The following FRYL variants were observed in gnomAD, a reference collection of about 807,000 sequenced individuals.
The protein encoded by FRYL is FRY like transcription coactivator, also known as protein furry homolog-like.
FRYL carries 150 observed loss-of-function variants against 351.2 expected under a neutral mutation model. The observed-to-expected ratio is 0.43, with a 90% CI of 0.37 to 0.49. The LOEUF is 0.49. Among genes scored for constraint, FRYL ranks in the 20% least tolerant of loss-of-function variants. The pLI, the probability that FRYL is intolerant of heterozygous loss-of-function variation, is 0.00. For synonymous variants in FRYL, 1,153 were observed against 1,257.1 expected, an observed-to-expected ratio of 0.92 and a Z score of 1.75; for missense variants, 3,036 against 3,619.3, an observed-to-expected ratio of 0.84 and a Z score of 4.13.
intron 61 of FRYL, 36 bp downstream of exon 61, chr4:48,502,792 G>A: frequency 6.4e-7 from 1 of 1,568,630 alleles, no homozygotes; most frequent in Admixed American, 1.7e-5. Flanking sequence ...TGTCTGGCAA[G>A]GGTGAGTAGT....
intron 25 of FRYL, among the ~76,000 whole-genome samples, chr4:48,574,250 A>G (rs1712428310): frequency 6.6e-6 from 1 of 152,160 alleles, no homozygotes; most frequent in Admixed American, 6.5e-5. Context: ...TGACCTTTAA[A>G]AGTGTCTCTG....
chr4:48,529,064 C>T (rs545805531), intron 50 of FRYL, among the ~76,000 whole-genome samples: 1 of 152,198 alleles, frequency 6.6e-6, no homozygotes, highest in Non-Finnish European at 1.5e-5. Context: ...ACCAGCAAAA[C>T]TGAGCTTGCT....
intron 3 of FRYL, among the ~76,000 whole-genome samples, chr4:48,641,551 A>G (rs1755322944): frequency 1.3e-5 from 2 of 152,224 alleles, no homozygotes; most frequent in Admixed American, 1.3e-4. Flanking sequence ...TTAAGCCACT[A>G]ATGGCTTAAC....
At chr4:48,520,591 A>G (rs1246879551) in intron 55 of FRYL, 1 of 152,400 alleles carries the variant, frequency 6.6e-6, no homozygotes, top group African/African-American at 2.4e-5. Flanking sequence ...AAAACATAAT[A>G]CTAGTGGTTC....
chr4:48,755,941 A>C (rs1415267105), intron 1 of FRYL, among the ~76,000 whole-genome samples: 1 of 152,036 alleles, frequency 6.6e-6, no homozygotes, highest in Non-Finnish European at 1.5e-5. Context: ...TCAATTAAAA[A>C]AAAAAAAGAG....
chr4:48,612,497 C>CGT (rs10657991), intron 7 of FRYL, among the ~76,000 whole-genome samples: 66,735 of 149,774 alleles, frequency 0.45, 15,024 homozygotes, highest in African/African-American at 0.55. Context: ...TGTGTGTGCA[C>CGT]GTGTGTGTGT....
intron 41 of FRYL, 113 bp from the exon 42 acceptor site, chr4:48,546,384 A>G: frequency 1.3e-6 from 1 of 771,518 alleles, no homozygotes; most frequent in Non-Finnish European, 2.1e-6. Context: ...GCAATCTGTC[A>G]GTGCAAGGTG....
chr4:48,714,272 A>G (rs1333099323), intron 1 of FRYL, among the ~76,000 whole-genome samples: 2 of 150,434 alleles, frequency 1.3e-5, no homozygotes. Flanking sequence ...AACTAAAATC[A>G]GAGCAGAACT....
intron 1 of FRYL, among the ~76,000 whole-genome samples, chr4:48,768,489 A>C (rs1352653646): frequency 6.6e-6 from 1 of 152,188 alleles, no homozygotes; most frequent in Non-Finnish European, 1.5e-5. Flanking sequence ...GACTTGGTGA[A>C]GAGTCCATAG....
chr4:48,723,131 GT>G (rs1021169437), intron 1 of FRYL, among the ~76,000 whole-genome samples: 27 of 150,956 alleles, frequency 1.8e-4, no homozygotes, highest in Admixed American at 1.1e-3. Flanking sequence ...AACCTAACAG[GT>G]TTTTTTTTGT....
At chr4:48,729,846 C>T (rs1424430983) in intron 1 of FRYL, among the ~76,000 whole-genome samples, 3 of 152,170 alleles carry the variant, frequency 2.0e-5, no homozygotes, top group Non-Finnish European at 4.4e-5. Flanking sequence ...TCCAAAGGAA[C>T]ACAACTCCTC....
intron 2 of FRYL, among the ~76,000 whole-genome samples, chr4:48,686,510 A>G (rs1765165142): frequency 6.7e-6 from 1 of 149,004 alleles, no homozygotes. Context: ...CCTCAAACCT[A>G]AAAAAAAAAC....
At chr4:48,711,184 A>G (rs1337570813) in intron 1 of FRYL, among the ~76,000 whole-genome samples, 1 of 152,236 alleles carries the variant, frequency 6.6e-6, no homozygotes, top group Non-Finnish European at 1.5e-5. Flanking sequence ...TACTGGGTTC[A>G]TCTCACTAGG....
At position 48,579,261 on chromosome 4, in the gene FRYL, T is replaced by C; in HGVS notation, c.2260-20A>G. On this transcript the variant is annotated intron_variant, in intron 22 of 63. Coordinates refer to ENST00000358350, the MANE Select transcript of FRYL (RefSeq NM_015030.2). ...AGTAGTCTATATGGAGAGGAAAAAA[T>C]TGATTATTACACATTTCAATAACTT... 1.9e-6 allele frequency: 3 copies of C among 1,562,144 alleles called. No homozygotes were observed. Among genetic ancestry groups the C allele is most frequent in the Non-Finnish European group, 2.6e-6 (3 of 1,156,478 alleles).
chr4:48,529,048 T>G (rs1356913838), intron 50 of FRYL, among the ~76,000 whole-genome samples: 1 of 152,170 alleles, frequency 6.6e-6, no homozygotes, highest in Non-Finnish European at 1.5e-5. Context: ...TCTCTGAACT[T>G]CACACACCAG....
intron 4 of FRYL, among the ~76,000 whole-genome samples, chr4:48,628,266 T>A (rs1463327001): frequency 6.6e-6 from 1 of 152,122 alleles, no homozygotes; most frequent in African/African-American, 2.4e-5. Flanking sequence ...AAACTGCCTA[T>A]CAATAGAGAC....
chr4:48,631,430 T>C (rs1485347524), intron 4 of FRYL, among the ~76,000 whole-genome samples: 1 of 152,016 alleles, frequency 6.6e-6, no homozygotes, highest in Non-Finnish European at 1.5e-5. Context: ...AAGCTCTGGC[T>C]AGAATGAAAA....
chr4:48,513,289 C>T (rs184276515), intron 56 of FRYL, among the ~76,000 whole-genome samples: 2 of 152,230 alleles, frequency 1.3e-5, no homozygotes, highest in Admixed American at 6.5e-5. Context: ...ATGCTATTAG[C>T]CAGGAAACAC....
rs1172424805 is a variant in FRYL, at chr4:48,567,109, G to C, written c.3169+139C>G. The C allele has an allele frequency of 3.2e-6, 2 of 629,148 alleles. No homozygotes were observed. The allele number at this position is 629,148 out of a possible 1,614,324, so 39.0% of individuals were successfully genotyped here. A position where few individuals can be genotyped will look rare whatever the true frequency, so the allele number is the denominator to read the frequency against. ...TAATTCAAAGGGAAAACAAACTCCA[G>C]CCATCCAGGTTATGCTGACATATTT... On this transcript the variant is annotated intron_variant, in intron 28 of 63. Coordinates refer to ENST00000358350, the MANE Select transcript of FRYL (RefSeq NM_015030.2). The surrounding 1 kb of genome is among the most constrained non-coding windows in gnomAD (Gnocchi z 4.2).
Sources: allele counts gnomAD v4.1 joint callset (sites outside exome capture counted in the v4.1 genomes callset), GRCh38; gene constraint gnomAD v4.1.1; non-coding constraint Gnocchi (gnomAD v3.1); transcripts MANE v1.5; gene names NCBI Gene and HGNC (gene_info 2026-07-23, HGNC 2026-07-21).